Variants in CYB5R4 observed in about 807,000 individuals in gnomAD.
The protein encoded by CYB5R4 is cytochrome b5 reductase 4, also known as N-terminal cytochrome b5 and cytochrome b5 oxidoreductase domain-containing protein.
Under a neutral mutation model 70.2 loss-of-function variants are expected in CYB5R4, and 55 were observed. The ratio of observed to expected loss-of-function variants is 0.78; its 90% CI spans 0.63 to 0.98. CYB5R4 has a LOEUF of 0.98. CYB5R4 is among the 50% of genes least tolerant of loss of function. The pLI is 0.00. For missense variants in CYB5R4, 562 were observed against 612.6 expected, an observed-to-expected ratio of 0.92 and a Z score of 0.87; for synonymous variants, 197 against 199.5, an observed-to-expected ratio of 0.99 and a Z score of 0.11.
intron 2 of CYB5R4, among the ~76,000 whole-genome samples, chr6:83,888,055 A>C (rs971832226): frequency 4.6e-5 from 7 of 152,210 alleles, no homozygotes; most frequent in African/African-American, 1.7e-4. Flanking sequence ...TATCAATTTG[A>C]GATTATATCT....
intron 14 of CYB5R4, among the ~76,000 whole-genome samples, chr6:83,947,528 A>C (rs992161029): frequency 6.6e-5 from 10 of 152,362 alleles, no homozygotes; most frequent in African/African-American, 2.4e-4. Context: ...AAGCAATTGC[A>C]ACAAAAGCTA....
intron 4 of CYB5R4, chr6:83,910,060 C>A (rs768394208): frequency 1.4e-5 from 23 of 1,612,336 alleles, no homozygotes; most frequent in Non-Finnish European, 1.9e-5. Context: ...CTCTTTGGTT[C>A]ATCCTAGGCA....
intron 9 of CYB5R4, among the ~76,000 whole-genome samples, chr6:83,923,036 T>A (rs1408862177): frequency 6.6e-6 from 1 of 151,880 alleles, no homozygotes; most frequent in Non-Finnish European, 1.5e-5. Context: ...ACCTTTCTTT[T>A]TTTTCTCCTT....
At chr6:83,919,760 CTGTGTGTGTGTGTGTGTGTGTGTGTG>C (rs58002492) in intron 7 of CYB5R4, among the ~76,000 whole-genome samples, 4 of 141,982 alleles carry the variant, frequency 2.8e-5, no homozygotes, top group Admixed American at 7.0e-5. Flanking sequence ...ATGTGTTTTT[CTGTGTGTGTGTGTGTGTGTGTGTGTG>C]TGTGTGTGTG....
At chr6:83,946,107 A>G (rs559112529) in intron 14 of CYB5R4, among the ~76,000 whole-genome samples, 2 of 152,356 alleles carry the variant, frequency 1.3e-5, no homozygotes, top group South Asian at 4.1e-4. Flanking sequence ...AAAACCTGGC[A>G]GAGATGCAAC....
At chr6:83,909,227 A>G in intron 4 of CYB5R4, 137 bp downstream of exon 4, 6 of 559,392 alleles carry the variant, frequency 1.1e-5, no homozygotes, top group African/African-American at 5.6e-5. Flanking sequence ...TAGCCACTCC[A>G]GAGGTTTTCC....
chr6:83,878,084 A>G (rs2099458852), intron 2 of CYB5R4, among the ~76,000 whole-genome samples: 1 of 152,018 alleles, frequency 6.6e-6, no homozygotes, highest in South Asian at 2.1e-4. Context: ...CTCTATTTCC[A>G]GTCTGCCAAT....
At position 83,916,276 on chromosome 6, in the gene CYB5R4, AT is replaced by A. The variant is rs2099465501; in HGVS notation, c.446-1725del. On this transcript the variant is annotated intron_variant, in intron 5 of 15. Coordinates refer to ENST00000369681, the MANE Select transcript of CYB5R4 (RefSeq NM_016230.4). Reference sequence around the variant, plus strand: ...GTACTGGCACCGAGCTTAAGTATAGATTTTCTGGTCCTAATTAGGTCATACA... The same window carrying A: ...GTACTGGCACCGAGCTTAAGTATAGATTTCTGGTCCTAATTAGGTCATACA... 2.0e-5 allele frequency among the ~76,000 whole-genome samples: 3 copies of A among 152,162 alleles called. No individual in the cohort carries two copies. The South Asian group carries it at 6.2e-4, about 32-fold the overall frequency.
At chr6:83,947,412 A>G in intron 14 of CYB5R4, among the ~76,000 whole-genome samples, 1 of 152,086 alleles carries the variant, frequency 6.6e-6, no homozygotes, top group East Asian at 1.9e-4. Context: ...AAGATGGACT[A>G]AAGATTTAAA....
chr6:83,864,128 T>C, intron 1 of CYB5R4, 47 bp from the exon 2 acceptor site: 1 of 1,475,930 alleles, frequency 6.8e-7, no homozygotes, highest in Non-Finnish European at 9.0e-7. Flanking sequence ...TAAAATGGAA[T>C]TAAAAGTAAT....
intron 10 of CYB5R4, among the ~76,000 whole-genome samples, chr6:83,926,083 TA>T (rs2099467229): frequency 6.6e-6 from 1 of 152,214 alleles, no homozygotes; most frequent in Non-Finnish European, 1.5e-5. Context: ...TCTTTAATAT[TA>T]AATGCTTTCT....
At chr6:83,956,083 T>C (rs763085298) in intron 15 of CYB5R4, among the ~76,000 whole-genome samples, 22 of 152,208 alleles carry the variant, frequency 1.4e-4, no homozygotes, top group Non-Finnish European at 1.6e-4. Context: ...TTTTAAAATA[T>C]GGCTGTTCTA....
At chr6:83,905,152 T>G (rs1351688742) in intron 3 of CYB5R4, among the ~76,000 whole-genome samples, 1 of 152,168 alleles carries the variant, frequency 6.6e-6, no homozygotes, top group African/African-American at 2.4e-5. Flanking sequence ...CGTCCCAGGT[T>G]CAAGAGATTC....
intron 3 of CYB5R4, among the ~76,000 whole-genome samples, chr6:83,899,383 AT>A: frequency 6.6e-6 from 1 of 151,990 alleles, no homozygotes; most frequent in East Asian, 1.9e-4. Context: ...TTTATTGAGG[AT>A]TTTTGCATCA....
intron 2 of CYB5R4, among the ~76,000 whole-genome samples, chr6:83,879,356 C>G (rs565957090): frequency 6.6e-6 from 1 of 152,208 alleles, no homozygotes. Flanking sequence ...GGTCTGAGTA[C>G]ATTTTCTGTT....
At chr6:83,905,520 G>A (rs753345248) in intron 3 of CYB5R4, among the ~76,000 whole-genome samples, 4 of 152,172 alleles carry the variant, frequency 2.6e-5, no homozygotes, top group African/African-American at 7.2e-5. Context: ...CTTCCTCGGT[G>A]TCTTAGGGTA....
intron 2 of CYB5R4, among the ~76,000 whole-genome samples, chr6:83,870,205 TA>T (rs1161022304): frequency 2.0e-5 from 3 of 152,260 alleles, no homozygotes; most frequent in Non-Finnish European, 4.4e-5. Flanking sequence ...CAGTATTCGC[TA>T]ATTCAGTGTT....
At chr6:83,919,677 A>C (rs2099466051) in intron 7 of CYB5R4, among the ~76,000 whole-genome samples, 1 of 152,112 alleles carries the variant, frequency 6.6e-6, no homozygotes, top group South Asian at 2.1e-4. Flanking sequence ...GAACTCAGGC[A>C]GTCTGGTTCC....
chr6:83,905,113 G>A (rs191952011), intron 3 of CYB5R4, among the ~76,000 whole-genome samples: 166 of 152,150 alleles, frequency 1.1e-3, no homozygotes, highest in Non-Finnish European at 9.0e-4. Flanking sequence ...GGAGTGCAGC[G>A]GTGCAGCCTC....
Sources: gnomAD v4.1 joint callset for allele counts (sites outside exome capture counted in the v4.1 genomes callset) on GRCh38, gnomAD v4.1.1 for gene constraint, MANE v1.5 for transcripts, NCBI Gene and HGNC (gene_info 2026-07-23, HGNC 2026-07-21) for gene names.